Variants in ENTREP2 observed in about 807,000 individuals in gnomAD.
ENTREP2 encodes the protein protein ENTREP2.
At chr15:29,449,379 G>C in the ENTREP2 span, among the ~76,000 whole-genome samples, 1 of 152,210 alleles carries the variant, frequency 6.6e-6, no homozygotes, top group Non-Finnish European at 1.5e-5. Context: ...GGGAGGCCCA[G>C]GGAGGTGGAA....
At chr15:29,256,914 T>A in the ENTREP2 span, among the ~76,000 whole-genome samples, 1 of 152,054 alleles carries the variant, frequency 6.6e-6, no homozygotes, top group East Asian at 1.9e-4. Context: ...ATACACACAT[T>A]TTCTTTACTT....
the ENTREP2 span, among the ~76,000 whole-genome samples, chr15:29,365,538 C>T: frequency 6.6e-6 from 1 of 152,066 alleles, no homozygotes; most frequent in African/African-American, 2.4e-5. Flanking sequence ...AAGCTCATTT[C>T]TTTTTAGCAC....
the ENTREP2 span, among the ~76,000 whole-genome samples, chr15:29,465,602 C>T: frequency 1.3e-5 from 2 of 152,162 alleles, no homozygotes; most frequent in African/African-American, 4.8e-5. Flanking sequence ...GCCAGGCAAT[C>T]CTGGATGTAC....
At chr15:29,427,043 G>A in the ENTREP2 span, among the ~76,000 whole-genome samples, 1 of 152,034 alleles carries the variant, frequency 6.6e-6, no homozygotes, top group African/African-American at 2.4e-5. Flanking sequence ...TATCTTATGG[G>A]TGCTTGGTTT....
chr15:29,410,872 G>A, the ENTREP2 span, among the ~76,000 whole-genome samples: 9 of 152,062 alleles, frequency 5.9e-5, no homozygotes, highest in South Asian at 2.1e-4. Flanking sequence ...TGCAACCTCC[G>A]CCTCCCAGGT....
the ENTREP2 span, among the ~76,000 whole-genome samples, chr15:29,357,673 TA>T: frequency 1.3e-5 from 2 of 151,652 alleles, no homozygotes; most frequent in Admixed American, 6.6e-5. Context: ...TCGTCTCTAC[TA>T]AAAAATACAA....
chr15:29,554,406 G>C, the ENTREP2 span, among the ~76,000 whole-genome samples: 65,815 of 149,330 alleles, frequency 0.44, 15,527 homozygotes, highest in African/African-American at 0.62. Context: ...GAGGAAAGGA[G>C]GGAAGGAAGG....
the ENTREP2 span, among the ~76,000 whole-genome samples, chr15:29,433,184 C>A: frequency 3.3e-5 from 5 of 152,308 alleles, no homozygotes; most frequent in East Asian, 9.7e-4. Flanking sequence ...ACTGTCTCCT[C>A]CCCACAGCAT....
At chr15:29,464,545 A>G in the ENTREP2 span, among the ~76,000 whole-genome samples, 3 of 152,236 alleles carry the variant, frequency 2.0e-5, no homozygotes, top group African/African-American at 4.8e-5. Flanking sequence ...ATCAGAGCAG[A>G]AGGCTCGTGA....
At chr15:29,479,063 C>T in the ENTREP2 span, among the ~76,000 whole-genome samples, 1 of 144,500 alleles carries the variant, frequency 6.9e-6, no homozygotes. Context: ...AAAAATTAGC[C>T]GGGCGTGGTG....
At chr15:29,631,116 C>T in the ENTREP2 span, among the ~76,000 whole-genome samples, 1 of 152,166 alleles carries the variant, frequency 6.6e-6, no homozygotes, top group African/African-American at 2.4e-5. Context: ...TCATTTAGTT[C>T]CTTTTTTACA....
chr15:29,130,702 C>T, the ENTREP2 span, among the ~76,000 whole-genome samples: 2 of 152,268 alleles, frequency 1.3e-5, no homozygotes, highest in Non-Finnish European at 2.9e-5. Context: ...TCCTGGGAGC[C>T]TATCTATCAC....
the ENTREP2 span, among the ~76,000 whole-genome samples, chr15:29,373,198 GA>G: frequency 4.6e-5 from 7 of 151,956 alleles, no homozygotes; most frequent in African/African-American, 1.7e-4. Flanking sequence ...TAAAAATAAG[GA>G]AATGAGGAGA....
the ENTREP2 span, among the ~76,000 whole-genome samples, chr15:29,156,670 G>A: frequency 6.6e-6 from 1 of 152,172 alleles, no homozygotes; most frequent in Non-Finnish European, 1.5e-5. Context: ...CGGTCTGAGG[G>A]TGACTCTGAA....
At chr15:29,498,396 T>A in the ENTREP2 span, among the ~76,000 whole-genome samples, 100 of 152,338 alleles carry the variant, frequency 6.6e-4, 2 homozygotes, top group Non-Finnish European at 2.9e-5. Flanking sequence ...CTCCATTGGT[T>A]GGGAGTATGT....
At chr15:29,566,846 T>TACACACACACACAC in the ENTREP2 span, among the ~76,000 whole-genome samples, 2,681 of 146,120 alleles carry the variant, frequency 0.018, 82 homozygotes, top group East Asian at 0.076. Context: ...AAAGGAAAAA[T>TACACACACACACAC]ACACACACAC....
the ENTREP2 span, among the ~76,000 whole-genome samples, chr15:29,661,935 G>T: frequency 1.4e-4 from 22 of 152,224 alleles, no homozygotes; most frequent in African/African-American, 4.6e-4. Flanking sequence ...AATGCGCCAG[G>T]CATGGTGTAT....
the ENTREP2 span, among the ~76,000 whole-genome samples, chr15:29,347,403 C>T: frequency 1.3e-5 from 2 of 151,928 alleles, no homozygotes; most frequent in African/African-American, 2.4e-5. Context: ...CTCCTGGCCT[C>T]GAGCAATCCT....
chr15:29,525,993 A>G, the ENTREP2 span, among the ~76,000 whole-genome samples: 112 of 152,356 alleles, frequency 7.4e-4, no homozygotes, highest in African/African-American at 2.5e-3. Context: ...TAACTGATTT[A>G]TTTCAAGAAT....
Sources: gnomAD v4.1 joint callset for allele counts (sites outside exome capture counted in the v4.1 genomes callset) on GRCh38, gnomAD v4.1.1 for gene constraint, MANE v1.5 for transcripts, NCBI Gene and HGNC (gene_info 2026-07-23, HGNC 2026-07-21) for gene names.